ANTXR2: variants seen among roughly 807,000 people sequenced by gnomAD.
The protein encoded by ANTXR2 is anthrax toxin receptor 2.
A neutral mutation model predicts 73.7 loss-of-function variants in ANTXR2; 44 were observed. That is an observed-to-expected ratio of 0.60 (90% CI 0.47 to 0.77). The LOEUF is 0.77. ANTXR2 is among the 30% of genes least tolerant of loss of function. ANTXR2 has a pLI of 0.00. For synonymous variants in ANTXR2, 217 were observed against 205.9 expected (o/e 1.05, Z -0.46); for missense variants, 604 against 592.5 (o/e 1.02, Z -0.20).
chr4:79,910,507 C>CAAAAAAAAAAAAAAAAAAAAAA (rs144527286), intron 16 of ANTXR2, among the ~76,000 whole-genome samples: 4 of 95,644 alleles, frequency 4.2e-5, no homozygotes, highest in African/African-American at 8.1e-5. Context: ...GACTCCGTCT[C>CAAAAAAAAAAAAAAAAAAAAAA]AAAAAAAAAA....
intron 16 of ANTXR2, among the ~76,000 whole-genome samples, chr4:79,919,278 A>T (rs917409297): frequency 6.6e-6 from 1 of 152,198 alleles, no homozygotes; most frequent in Non-Finnish European, 1.5e-5. Context: ...AACGAAGGAT[A>T]AATGGAGAAG....
At chr4:80,058,673 T>C (rs1203920305) in intron 3 of ANTXR2, among the ~76,000 whole-genome samples, 1 of 95,176 alleles carries the variant, frequency 1.1e-5, no homozygotes, top group East Asian at 1.0e-3. Flanking sequence ...ATCCCCACTG[T>C]AATGTTAAAA....
intron 12 of ANTXR2, among the ~76,000 whole-genome samples, chr4:80,002,258 T>C (rs1402879435): frequency 6.6e-6 from 1 of 152,066 alleles, no homozygotes; most frequent in African/African-American, 2.4e-5. Flanking sequence ...TAATGCCGCA[T>C]ATCTACAACT....
At chr4:80,027,279 AGGC>A (rs1732488421) in intron 10 of ANTXR2, among the ~76,000 whole-genome samples, 1 of 152,176 alleles carries the variant, frequency 6.6e-6, no homozygotes, top group Admixed American at 6.6e-5. Flanking sequence ...ACTGTAGTAA[AGGC>A]AGAATTTATC....
In ANTXR2 at chr4:79,943,849, T is replaced by G. The variant is rs1230656782; in HGVS notation, c.1428+33772A>C. ...TACTGCTTTATCTAGTTTTTAATCA[T>G]AAATGACTGCCCTATCCATTCCTCA... On this transcript the variant is annotated intron_variant, in intron 16 of 16. Transcript: ENST00000403729. Among the ~76,000 whole-genome samples the G allele has an allele frequency of 3.9e-5, 6 of 152,098 alleles. No individual in the cohort carries two copies. In the East Asian group the frequency reaches 1.2e-3, roughly 29 times the overall value.
chr4:79,982,841 A>G (rs1035232562), intron 14 of ANTXR2, among the ~76,000 whole-genome samples: 5 of 152,188 alleles, frequency 3.3e-5, no homozygotes, highest in Admixed American at 2.0e-4. Context: ...AATCACTGTC[A>G]GATGACCTAT....
At position 80,072,547 on chromosome 4, in the gene ANTXR2, C is replaced by A. The variant is rs767627838; in HGVS notation, c.14G>T (p.Arg5Leu). MVAERSPARSPGSWL... is the reference protein window; with the variant it reads MVAELSPARSPGSWL... The stretch of plus-strand genomic sequence containing the variant: ...GCTCCCGGGGCTGCGGGCCGGGGAC[C>A]GCTCCGCCACCATCCTGCGGCCGGG... The change falls in exon 1 of 17, where the codon CGG becomes CTG. Residue 5 changes from arginine to leucine, a missense_variant. By Grantham distance (102) the Arg-to-Leu change is moderately radical. Coordinates refer to ENST00000403729, the MANE Select transcript of ANTXR2 (RefSeq NM_058172.6). 4 of 1,573,100 alleles carry A rather than the reference C, an allele frequency of 2.5e-6. No homozygotes were observed. The highest frequency in any genetic ancestry group is 1.9e-5 in the Admixed American group (1 of 53,796).
chr4:80,002,750 G>A (rs1228965514), intron 12 of ANTXR2, among the ~76,000 whole-genome samples: 1 of 151,900 alleles, frequency 6.6e-6, no homozygotes, highest in Non-Finnish European at 1.5e-5. Context: ...AGTGGGTGAA[G>A]GACATGAACA....
intron 16 of ANTXR2, among the ~76,000 whole-genome samples, chr4:79,908,485 C>CAA (rs981233007): frequency 6.7e-4 from 102 of 151,834 alleles, no homozygotes; most frequent in African/African-American, 2.4e-3. Context: ...CCATTTTTTC[C>CAA]AAAAATGACT....
At chr4:80,029,972 A>C (rs1578169871) in intron 10 of ANTXR2, among the ~76,000 whole-genome samples, 1 of 151,974 alleles carries the variant, frequency 6.6e-6, no homozygotes, top group South Asian at 2.1e-4. Context: ...AGTGGGGTAA[A>C]GAACTCATCA....
chr4:80,009,908 A>G (rs965216675), intron 11 of ANTXR2, among the ~76,000 whole-genome samples: 1 of 151,356 alleles, frequency 6.6e-6, no homozygotes, highest in African/African-American at 2.4e-5. Flanking sequence ...AACTCTAAAG[A>G]AAAAAAACAG....
At chr4:80,015,733 G>A (rs1731805727) in intron 11 of ANTXR2, among the ~76,000 whole-genome samples, 1 of 151,338 alleles carries the variant, frequency 6.6e-6, no homozygotes, top group African/African-American at 2.4e-5. Context: ...GCAGGAGGAG[G>A]GAGAGGAATA....
At chr4:79,907,566 A>ATG (rs1726966962) in intron 16 of ANTXR2, 99 bp from the exon 17 acceptor site, 5 of 1,298,978 alleles carry the variant, frequency 3.8e-6, no homozygotes, top group Non-Finnish European at 5.5e-6. Context: ...ATGATTACCC[A>ATG]AGGAAAGTAC....
At chr4:79,978,999 T>C (rs1041516299) in intron 14 of ANTXR2, among the ~76,000 whole-genome samples, 1 of 152,170 alleles carries the variant, frequency 6.6e-6, no homozygotes, top group Admixed American at 6.5e-5. Flanking sequence ...ATTTTTTTCA[T>C]TGAGGAGGTC....
chr4:79,918,949 G>GTTCTTGAAC (rs1727461851), intron 16 of ANTXR2, among the ~76,000 whole-genome samples: 1 of 152,038 alleles, frequency 6.6e-6, no homozygotes. Context: ...TTCGCATATT[G>GTTCTTGAAC]TTCTTGAACT....
At chr4:80,024,032 A>G (rs1732300187) in intron 10 of ANTXR2, among the ~76,000 whole-genome samples, 1 of 152,262 alleles carries the variant, frequency 6.6e-6, no homozygotes, top group Non-Finnish European at 1.5e-5. Flanking sequence ...AGAAAGTCTC[A>G]GTGTACTTGA....
chr4:80,022,030 T>C (rs1732191391), intron 10 of ANTXR2, among the ~76,000 whole-genome samples: 1 of 152,328 alleles, frequency 6.6e-6, no homozygotes, highest in South Asian at 2.1e-4. Context: ...ATTTTGCCCA[T>C]GAAGAAACAA....
intron 12 of ANTXR2, among the ~76,000 whole-genome samples, chr4:80,003,501 T>G (rs899324750): frequency 3.8e-4 from 58 of 151,836 alleles, no homozygotes; most frequent in African/African-American, 1.2e-3. Context: ...GCATGGCACA[T>G]GTATACATAT....
At position 80,072,356 on chromosome 4, in the gene ANTXR2, C is replaced by G; in HGVS notation, c.152+53G>C. Reference sequence around the variant, plus strand: ...ACACGCATCTCAGCCTCAGCCCCAGCTGATCCAGTGCCGCCCTCACCAGGA... The same window carrying G: ...ACACGCATCTCAGCCTCAGCCCCAGGTGATCCAGTGCCGCCCTCACCAGGA... On this transcript the variant is annotated intron_variant, in intron 1 of 16. Coordinates refer to ENST00000403729, the MANE Select transcript of ANTXR2 (RefSeq NM_058172.6). 3 of 1,508,290 alleles carry G rather than the reference C, an allele frequency of 2.0e-6. No individual in the cohort carries two copies. The South Asian group carries it at 3.9e-5, about 20-fold the overall frequency. 93.4% of individuals were successfully genotyped at this position (1,508,290 alleles called of 1,614,324 possible). A position where few individuals can be genotyped will look rare whatever the true frequency, so the allele number is the denominator to read the frequency against.
Sources: gnomAD v4.1 joint callset for allele counts (sites outside exome capture counted in the v4.1 genomes callset) on GRCh38, gnomAD v4.1.1 for gene constraint, MANE v1.5 for transcripts, NCBI Gene and HGNC (gene_info 2026-07-23, HGNC 2026-07-21) for gene names.